The following LRRCC1 variants were observed in gnomAD, a reference collection of about 807,000 sequenced individuals.
The protein encoded by LRRCC1 is leucine-rich repeat and coiled-coil domain-containing protein 1.
Under a neutral mutation model 126.0 loss-of-function variants are expected in LRRCC1, and 115 were observed. The ratio of observed to expected loss-of-function variants is 0.91; its 90% CI spans 0.78 to 1.07. The LOEUF is 1.07. Ranked by LOEUF, LRRCC1 falls within the 50% of genes least tolerant of loss-of-function variation. The probability of loss-of-function intolerance (pLI) is 0.00; values close to 1 mark genes in which losing one functional copy is unlikely to be tolerated. For synonymous variants in LRRCC1, 400 were observed against 393.4 expected (o/e 1.02, Z -0.20); for missense variants, 1,172 against 1,175.7 (o/e 1.00, Z 0.05).
chr8:85,109,934 T>C, intron 2 of LRRCC1, 134 bp downstream of exon 2: 1 of 624,614 alleles, frequency 1.6e-6, no homozygotes, highest in Non-Finnish European at 2.7e-6. Flanking sequence ...AAATATTTTC[T>C]CCAAAAAAGT....
At position 85,126,760 on chromosome 8, in the gene LRRCC1, G is replaced by C. The variant is rs767810766; in HGVS notation, c.1344G>C (p.Met448Ile). ...CTGAGCAAGCCGAAAATAAACTCAT[G>C]GATTATATTGATGAGCTGCATAAAC... ...WRAEQAENKL[M>I]DYIDELHKHA... Residue 448 changes from methionine (M) to isoleucine (I), a missense_variant, in exon 9 of 19, where the codon ATG (methionine) becomes ATC (isoleucine). Physicochemically the swap from Met to Ile is conservative, Grantham distance 10 (BLOSUM62 1). Coordinates refer to ENST00000360375, the MANE Select transcript of LRRCC1 (RefSeq NM_033402.5). 1 of 1,612,408 alleles carries C rather than the reference G, an allele frequency of 6.2e-7. No homozygotes were observed. Among genetic ancestry groups the C allele is most frequent in the South Asian group, 1.1e-5 (1 of 91,068 alleles).
At chr8:85,107,431 G>A (rs369922208) in intron 1 of LRRCC1, 32 bp downstream of exon 1, 4 of 1,573,602 alleles carry the variant, frequency 2.5e-6, no homozygotes, top group African/African-American at 1.4e-5. Context: ...GGAGCGACCC[G>A]CGCACTCCCC....
At chr8:85,112,903 G>T in intron 3 of LRRCC1, 29 bp from the exon 4 acceptor site, 1 of 1,498,524 alleles carries the variant, frequency 6.7e-7, no homozygotes, top group Non-Finnish European at 9.0e-7. Flanking sequence ...TATTGCTGTG[G>T]CATTTAAAGA....
At chr8:85,141,224 T>TA (rs1158563438) in intron 17 of LRRCC1, among the ~76,000 whole-genome samples, 158 bp from the exon 18 acceptor site, 1 of 152,204 alleles carries the variant, frequency 6.6e-6, no homozygotes, top group Non-Finnish European at 1.5e-5. Context: ...TACTTACTTA[T>TA]ATCTTTAGTT....
At chr8:85,121,452 G>GTTTT (rs1182600645) in intron 6 of LRRCC1, among the ~76,000 whole-genome samples, 3 of 150,486 alleles carry the variant, frequency 2.0e-5, no homozygotes, top group African/African-American at 7.3e-5. Context: ...GTTTTGTTTT[G>GTTTT]TTTTTTGAGA....
intron 1 of LRRCC1, chr8:85,108,740 CTG>C (rs953208763): frequency 6.6e-6 from 1 of 152,172 alleles, no homozygotes; most frequent in Non-Finnish European, 1.5e-5. Context: ...TTTCCTACAG[CTG>C]TAAGATAGCT....
At chr8:85,122,894 G>T (rs757634706) in intron 6 of LRRCC1, among the ~76,000 whole-genome samples, 2 of 152,136 alleles carry the variant, frequency 1.3e-5, no homozygotes, top group Non-Finnish European at 2.9e-5. Context: ...GACTCAGATT[G>T]TATGTTTTTC....
chr8:85,144,511 C>G (rs1156926596), intron 18 of LRRCC1, among the ~76,000 whole-genome samples: 4 of 129,136 alleles, frequency 3.1e-5, no homozygotes, highest in African/African-American at 1.2e-4. Context: ...CACTCTTGTT[C>G]TGGCTGGAGT....
chr8:85,123,375 G>A (rs772480657), intron 6 of LRRCC1, 38 bp from the exon 7 acceptor site: 6 of 1,368,862 alleles, frequency 4.4e-6, no homozygotes, highest in Non-Finnish European at 6.1e-6. Context: ...TTTTTATACT[G>A]AACTTTTAAC....
intron 14 of LRRCC1, 76 bp downstream of exon 14, chr8:85,136,039 GA>G: frequency 8.1e-7 from 1 of 1,241,358 alleles, no homozygotes; most frequent in Non-Finnish European, 1.1e-6. Context: ...GAGAGAAAAA[GA>G]CTCAACTCTG....
chr8:85,118,835 T>A (rs1435370378), intron 6 of LRRCC1, among the ~76,000 whole-genome samples: 6 of 152,148 alleles, frequency 3.9e-5, no homozygotes, highest in Non-Finnish European at 8.8e-5. Context: ...TCCTTACTGG[T>A]CTTTTGATAA....
In LRRCC1 at chr8:85,115,578, A is replaced by G. The variant is rs375684742; in HGVS notation, c.924A>G (p.Leu308=). The G allele has an allele frequency of 5.7e-6, 9 of 1,577,106 alleles. No homozygotes were observed. In the African/African-American group the frequency reaches 1.2e-4, roughly 21 times the overall value. The stretch of plus-strand genomic sequence containing the variant: ...TAGATGACCAAATTCTACAACTTCT[A>G]AATGAAGTAACTATTTTTCCTACTT... ...QKLDDQILQL[L]NETSNSIDNV... is the part of the protein sequence containing the mutation. Residue 308 remains leucine, a synonymous_variant, in exon 6 of 19, where the codon CTA becomes CTG. Coordinates refer to ENST00000360375, the MANE Select transcript of LRRCC1 (RefSeq NM_033402.5).
intron 9 of LRRCC1, 40 bp downstream of exon 9, chr8:85,126,877 TA>T: frequency 1.3e-6 from 2 of 1,517,548 alleles, no homozygotes; most frequent in Non-Finnish European, 1.8e-6. Context: ...CCTCATAGCA[TA>T]AACAATACTG....
At chr8:85,135,367 TGTG>T (rs1416255178) in intron 13 of LRRCC1, among the ~76,000 whole-genome samples, 1 of 152,196 alleles carries the variant, frequency 6.6e-6, no homozygotes, top group Non-Finnish European at 1.5e-5. Context: ...GTATTAATTT[TGTG>T]GTGGTGATGC....
chr8:85,130,567 A>C (rs1810392698), intron 11 of LRRCC1, among the ~76,000 whole-genome samples: 1 of 152,192 alleles, frequency 6.6e-6, no homozygotes, highest in African/African-American at 2.4e-5. Context: ...CTAGTAGCTA[A>C]AAAATGAATA....
Position 85,144,923 on chromosome 8 carries a change from TA to T in LRRCC1, c.2977-460del, listed in dbSNP as rs538778254. Among the ~76,000 whole-genome samples, 235 of 147,222 alleles carry T rather than the reference TA, an allele frequency of 1.6e-3. 1 individual carries two copies. Among genetic ancestry groups the T allele is most frequent in the Middle Eastern group, 7.1e-3 (2 of 280 alleles). Reference sequence around the variant, plus strand: ...ATCTCTACTAAAAATAAAAAAAAAATAAAAAAGTTAGCCGGGCATGGTAGCG... The same window carrying T: ...ATCTCTACTAAAAATAAAAAAAAAATAAAAAGTTAGCCGGGCATGGTAGCG... On this transcript the variant is annotated intron_variant, in intron 18 of 18. Transcript: ENST00000360375.
chr8:85,109,530 G>T (rs1285934985), intron 1 of LRRCC1, 65 bp from the exon 2 acceptor site: 1 of 923,154 alleles, frequency 1.1e-6, no homozygotes, highest in Non-Finnish European at 1.7e-6. Flanking sequence ...GTGCTGTTTG[G>T]TTAATTTTAG....
Position 85,113,081 on chromosome 8 carries a change from CCTGT to C in LRRCC1, c.532_535del (p.Cys178AspfsTer19). On this transcript the variant is annotated frameshift_variant, in exon 4 of 19. Transcript: ENST00000360375. LOFTEE classifies it high-confidence loss of function. ...TTTGGAGAAAGATGGAGACGATAATCCTGTCTGTCGACTGCCAGGTATGAATAAT... is the reference window on the plus strand; with the variant it reads ...TTTGGAGAAAGATGGAGACGATAATCCTGTCGACTGCCAGGTATGAATAAT... The C allele has an allele frequency of 1.2e-6, 2 of 1,609,858 alleles. No homozygotes were observed. Among genetic ancestry groups the C allele is most frequent in the Non-Finnish European group, 1.7e-6 (2 of 1,178,446 alleles).
chr8:85,129,439 G>T, intron 10 of LRRCC1, 60 bp downstream of exon 10: 2 of 1,384,668 alleles, frequency 1.4e-6, no homozygotes, highest in East Asian at 4.6e-5. Flanking sequence ...AGCTTCTATC[G>T]TGAAACAAAT....
Sources: gnomAD v4.1 joint callset for allele counts (sites outside exome capture counted in the v4.1 genomes callset) on GRCh38, gnomAD v4.1.1 for gene constraint, MANE v1.5 for transcripts, NCBI Gene and HGNC (gene_info 2026-07-23, HGNC 2026-07-21) for gene names.